The following TPRA1 variants were observed in gnomAD, a reference collection of about 807,000 sequenced individuals.
The protein encoded by TPRA1 is transmembrane protein adipocyte associated 1, also known as transmembrane protein adipocyte-associated 1.
Under a neutral mutation model 40.1 loss-of-function variants are expected in TPRA1, and 28 were observed. That is an observed-to-expected ratio of 0.70 (90% confidence interval 0.52 to 0.96). TPRA1 has a LOEUF of 0.96. TPRA1 is among the 40% of genes least tolerant of loss of function. The pLI is 0.00. For missense variants in TPRA1, 441 were observed against 482.6 expected (o/e 0.91, Z 0.81); for synonymous variants, 219 against 209.7 (o/e 1.04, Z -0.38).
chr3:127,573,576 T>C lies in TPRA1; in HGVS notation c.1067A>G (p.His356Arg). Residue 356 changes from histidine to arginine, a missense_variant, in exon 11 of 11, where the codon CAC becomes CGC. Transcript: ENST00000355552. The stretch of plus-strand genomic sequence containing the variant: ...GTCTGTGCTGTTGATGCTGCCAGTG[T>C]GGCAGGGCATGGAAGCGATGTCATC... The part of the protein sequence containing the change: ...YLDDIASMPC[H>R]TGSINSTDSE... The C allele has an allele frequency of 1.2e-6, 2 of 1,613,164 alleles. No homozygotes were observed. The highest frequency in any genetic ancestry group is 1.7e-6 in the Non-Finnish European group (2 of 1,179,996).
chr3:127,598,113 T>C (rs547777653), exon 1 of TPRA1: 3 of 393,650 alleles, frequency 7.6e-6, no homozygotes, highest in South Asian at 6.4e-5. Context: ...GCCTCTGTTG[T>C]CTTGTCAGCA....
chr3:127,592,574 A>T (rs1437446584), upstream of TPRA1, among the ~76,000 whole-genome samples: 1 of 149,290 alleles, frequency 6.7e-6, no homozygotes, highest in Non-Finnish European at 1.5e-5. Flanking sequence ...TTTAGTAGAG[A>T]CGGGGTTTCA....
In TPRA1 at chr3:127,582,213, C is replaced by T. The variant is rs115124390; in HGVS notation, c.-17-2050G>A. On this transcript the variant is annotated intron_variant, in intron 1 of 10. Transcript: ENST00000355552. ...GACTCTGAAGGGGGCGGGCCATGGG[C>T]TGGGGCTCAGGTTGCTCCAGTGGGC... Among the ~76,000 whole-genome samples the T allele has an allele frequency of 2.7e-3, 413 of 152,268 alleles. 2 individuals carry two copies. Among genetic ancestry groups the T allele is most frequent in the African/African-American group, 9.6e-3 (398 of 41,548 alleles).
intron 3 of TPRA1, among the ~76,000 whole-genome samples, chr3:127,578,970 CG>C (rs1247018020): frequency 1.3e-5 from 2 of 151,648 alleles, no homozygotes; most frequent in Admixed American, 6.6e-5. Flanking sequence ...CAGCCCGCAC[CG>C]GAAGCCTACA....
At position 127,573,593 on chromosome 3, in the gene TPRA1, G is replaced by A. The variant is rs772824622; in HGVS notation, c.1050C>T (p.Ile350=). The A allele has an allele frequency of 1.9e-5, 31 of 1,613,014 alleles. No homozygotes were observed. Among genetic ancestry groups the A allele is most frequent in the Non-Finnish European group, 2.4e-5 (28 of 1,180,006 alleles). The part of the protein sequence containing the change: ...SAGGVAYLDD[I]ASMPCHTGSI... ...TGCCAGTGTGGCAGGGCATGGAAGC[G>A]ATGTCATCCAGGTAGGCCACCCCGC... Residue 350 remains isoleucine (I), a synonymous_variant, in exon 11 of 11, where the codon ATC becomes ATT. Coordinates refer to ENST00000355552, the MANE Select transcript of TPRA1 (RefSeq NM_001136053.4).
At chr3:127,592,271 C>A (rs1371265096), upstream of TPRA1, among the ~76,000 whole-genome samples, 1 of 151,994 alleles carries the variant, frequency 6.6e-6, no homozygotes, top group African/African-American at 2.4e-5. Context: ...ACATGTGTGA[C>A]CAGGCCTAAT....
At chr3:127,574,189 C>T (rs2073486289) in intron 10 of TPRA1, among the ~76,000 whole-genome samples, 2 of 152,236 alleles carry the variant, frequency 1.3e-5, no homozygotes, top group Admixed American at 1.3e-4. Flanking sequence ...TGACCTCGTC[C>T]CTCGGCCCTC....
chr3:127,589,984 A>T (rs2074119662), intron 1 of TPRA1, among the ~76,000 whole-genome samples: 1 of 152,134 alleles, frequency 6.6e-6, no homozygotes, highest in South Asian at 2.1e-4. Context: ...TGGCCCCCTC[A>T]CGGGGCAGCA....
upstream of TPRA1, chr3:127,590,816 T>TGGG (rs144289662): frequency 2.9e-5 from 4 of 139,256 alleles, no homozygotes; most frequent in African/African-American, 7.8e-5. Flanking sequence ...AAGTCATCAC[T>TGGG]GGGGGAAAAA....
chr3:127,579,781 G>A lies in TPRA1; in HGVS notation c.217C>T (p.Arg73Cys), dbSNP rs1354869228. Residue 73 changes from arginine (R) to cysteine (C), a missense_variant, in exon 3 of 11, where the codon CGC becomes TGC. Coordinates refer to ENST00000355552, the MANE Select transcript of TPRA1 (RefSeq NM_001136053.4). Reference sequence around the variant, plus strand: ...ATAAAAATGGGGCTGGAGGTGATGCGGATCTTCGCCCGAGCAGATGGAAGC... The same window carrying A: ...ATAAAAATGGGGCTGGAGGTGATGCAGATCTTCGCCCGAGCAGATGGAAGC... Reference protein sequence around the residue: ...WKLPSARAKIRITSSPIFITF... With the variant: ...WKLPSARAKICITSSPIFITF... 1.5e-5 allele frequency: 25 copies of A among 1,614,010 alleles called. No homozygotes were observed. The highest frequency in any genetic ancestry group is 1.7e-5 in the Non-Finnish European group (20 of 1,180,026).
At position 127,576,979 on chromosome 3, in the gene TPRA1, C is replaced by A; in HGVS notation, c.345+11G>T. 2 of 1,613,776 alleles carry A rather than the reference C, an allele frequency of 1.2e-6. No homozygotes were observed. Among genetic ancestry groups the A allele is most frequent in the Non-Finnish European group, 1.7e-6 (2 of 1,179,982 alleles). On this transcript the variant is annotated intron_variant, in intron 4 of 10. Transcript: ENST00000355552. The surrounding 1 kb of genome is among the most constrained non-coding windows in gnomAD (Gnocchi z 4.6). ...GGCCTCCCTGGCCTCCCTCAGAGGGCCCAGCCGCACCTTATCAGCAACAGT... is the reference window on the plus strand; with the variant it reads ...GGCCTCCCTGGCCTCCCTCAGAGGGACCAGCCGCACCTTATCAGCAACAGT...
intron 1 of TPRA1, among the ~76,000 whole-genome samples, chr3:127,597,643 C>T (rs932061379): frequency 5.3e-5 from 8 of 152,154 alleles, no homozygotes; most frequent in African/African-American, 1.9e-4. Context: ...GTCTTCGCTC[C>T]CCTGGGCAAA....
rs368714713 is a variant in TPRA1, at chr3:127,576,985, C to T, written c.345+5G>A. ...CCTGGCCTCCCTCAGAGGGCCCAGC[C>T]GCACCTTATCAGCAACAGTTGCAGC... On this transcript the variant is annotated splice_donor_5th_base_variant and intron_variant, in intron 4 of 10. Transcript: ENST00000355552. This position sits in a 1 kb window ranked among gnomAD's most constrained non-coding sequence, Gnocchi z 4.6. 10 of 1,613,666 alleles carry T rather than the reference C, an allele frequency of 6.2e-6. No individual in the cohort carries two copies. The highest frequency in any genetic ancestry group is 2.7e-5 in the African/African-American group (2 of 74,922).
chr3:127,577,175 C>T, intron 3 of TPRA1, 99 bp from the exon 4 acceptor site: 2 of 1,282,120 alleles, frequency 1.6e-6, no homozygotes, highest in Non-Finnish European at 2.2e-6. Context: ...CCTTTGATTC[C>T]TGAGGTCGGA....
Position 127,577,055 on chromosome 3 carries a change from C to A in TPRA1, c.280G>T (p.Gly94Cys). The change falls in exon 4 of 11, where the codon GGC becomes TGC. Residue 94 changes from glycine (G) to cysteine (C), a missense_variant. Coordinates refer to ENST00000355552, the MANE Select transcript of TPRA1 (RefSeq NM_001136053.4). ...YILVFVVALV[G>C]IARAVVSMTV... ...ATGGATACCACGGCCCGGGCAATGCCCACCAGCGCCACCACAAACACCTGG... is the reference window on the plus strand; with the variant it reads ...ATGGATACCACGGCCCGGGCAATGCACACCAGCGCCACCACAAACACCTGG... The A allele has an allele frequency of 6.2e-7, 1 of 1,613,456 alleles. No homozygotes were observed. Among genetic ancestry groups the A allele is most frequent in the Non-Finnish European group, 8.5e-7 (1 of 1,180,030 alleles).
chr3:127,583,184 A>C (rs1447376332), intron 1 of TPRA1, among the ~76,000 whole-genome samples: 1 of 151,428 alleles, frequency 6.6e-6, no homozygotes, highest in East Asian at 1.9e-4. Context: ...ATGGTGGTGC[A>C]TGCCTGTAAT....
intron 1 of TPRA1, among the ~76,000 whole-genome samples, chr3:127,589,347 C>T (rs1446552305): frequency 1.3e-5 from 2 of 151,936 alleles, no homozygotes; most frequent in Non-Finnish European, 2.9e-5. Context: ...GATAGGAAAC[C>T]CTGGGGAGAG....
chr3:127,575,745 T>C lies in TPRA1; in HGVS notation c.670+4A>G, dbSNP rs1395548926. On this transcript the variant is annotated splice_donor_region_variant and intron_variant, in intron 8 of 10. Coordinates refer to ENST00000355552, the MANE Select transcript of TPRA1 (RefSeq NM_001136053.4). ...TGTCCCAGAGCCGCCGGCCAGCTGC[T>C]CACAAGGCAGGGAGATGCGCTCCTT... is the stretch of plus-strand genomic sequence containing the variant. 1.9e-6 allele frequency: 3 copies of C among 1,613,248 alleles called. No homozygotes were observed. In the African/African-American group the frequency reaches 4.0e-5, roughly 22 times the overall value.
upstream of TPRA1, among the ~76,000 whole-genome samples, chr3:127,592,237 G>A (rs1232471186): frequency 6.6e-6 from 1 of 152,170 alleles, no homozygotes; most frequent in Non-Finnish European, 1.5e-5. Flanking sequence ...ACCCTACCAT[G>A]TGCCAGGAAG....
Sources: gnomAD v4.1 joint callset for allele counts (sites outside exome capture counted in the v4.1 genomes callset) on GRCh38, gnomAD v4.1.1 for gene constraint, Gnocchi (gnomAD v3.1) non-coding constraint, MANE v1.5 for transcripts, NCBI Gene and HGNC (gene_info 2026-07-23, HGNC 2026-07-21) for gene names.